Variants in CDH11 observed in about 807,000 individuals in gnomAD.
CDH11 encodes the protein cadherin-11.
A neutral mutation model predicts 67.8 loss-of-function variants in CDH11; 11 were observed. The ratio of observed to expected loss-of-function variants is 0.16; its 90% CI spans 0.10 to 0.27. CDH11 has a LOEUF of 0.27. Ranked by LOEUF, CDH11 falls within the 10% of genes least tolerant of loss-of-function variation. The pLI, the probability that CDH11 is intolerant of heterozygous loss-of-function variation, is 1.00. For missense variants in CDH11, 847 were observed against 1,031.2 expected (o/e 0.82, Z 2.45); for synonymous variants, 419 against 400.0 (o/e 1.05, Z -0.57).
intron 2 of CDH11, among the ~76,000 whole-genome samples, chr16:65,035,088 G>A (rs938343840): frequency 5.9e-5 from 9 of 152,206 alleles, no homozygotes; most frequent in African/African-American, 2.4e-5. Flanking sequence ...GGGCAGTGAC[G>A]TTGCAAGGCT....
chr16:64,966,516 TAGAC>T (rs1355064422), intron 11 of CDH11, among the ~76,000 whole-genome samples: 2 of 151,672 alleles, frequency 1.3e-5, no homozygotes, highest in Non-Finnish European at 2.9e-5. Flanking sequence ...TACCAGTAAA[TAGAC>T]AGAATGGGAA....
At chr16:65,078,483 G>C (rs925048478) in intron 1 of CDH11, among the ~76,000 whole-genome samples, 9 of 152,068 alleles carry the variant, frequency 5.9e-5, no homozygotes, top group Non-Finnish European at 1.2e-4. Flanking sequence ...GCAGTATAGA[G>C]AGCCCCCAAA....
chr16:65,006,596 G>A (rs2073060131), intron 2 of CDH11, among the ~76,000 whole-genome samples: 2 of 152,166 alleles, frequency 1.3e-5, no homozygotes, highest in Admixed American at 6.6e-5. Context: ...ACAGAGTTGG[G>A]AACTGGACAT....
chr16:64,961,191 A>C (rs1247541128), intron 11 of CDH11, among the ~76,000 whole-genome samples: 2 of 152,194 alleles, frequency 1.3e-5, no homozygotes, highest in African/African-American at 4.8e-5. Context: ...CACTGACACT[A>C]ACTAGAGAAG....
chr16:65,118,592 C>T (rs1245333898), intron 1 of CDH11, among the ~76,000 whole-genome samples: 2 of 152,252 alleles, frequency 1.3e-5, no homozygotes, highest in East Asian at 3.9e-4. Flanking sequence ...TTTTATGAAA[C>T]AGCAGCCAAT....
intron 1 of CDH11, chr16:65,118,678 A>T (rs926377142): frequency 2.0e-5 from 3 of 152,162 alleles, no homozygotes; most frequent in Non-Finnish European, 4.4e-5. Context: ...ACAGTGCTCA[A>T]ATTTTCTAGG....
At chr16:65,086,307 T>C (rs982282092) in intron 1 of CDH11, among the ~76,000 whole-genome samples, 1 of 152,222 alleles carries the variant, frequency 6.6e-6, no homozygotes, top group Non-Finnish European at 1.5e-5. Flanking sequence ...TCAAACTTTA[T>C]AGATCATCAG....
In CDH11 at chr16:64,945,718, T is replaced by C. The variant is rs2071184025; in HGVS notation, c.*1885A>G. On this transcript the variant is annotated 3_prime_UTR_variant, in exon 13 of 13. Coordinates refer to ENST00000268603, the MANE Select transcript of CDH11 (RefSeq NM_001797.4). The stretch of plus-strand genomic sequence containing the variant: ...AGTGTTCAGCCCAATTTGATTTCAA[T>C]GCAAAGTAAAATGGAAGTGAGCACT... 9.6e-7 allele frequency: 1 copy of C among 1,042,300 alleles called. No homozygotes were observed. The highest frequency in any genetic ancestry group is 1.2e-6 in the Non-Finnish European group (1 of 864,754). The allele number at this position is 1,042,300 out of a possible 1,614,324, so 64.6% of individuals were successfully genotyped here. A position where few individuals can be genotyped will look rare whatever the true frequency, so the allele number is the denominator to read the frequency against.
intron 6 of CDH11, chr16:64,991,324 G>C (rs926258106): frequency 6.3e-6 from 1 of 157,564 alleles, no homozygotes; most frequent in Non-Finnish European, 1.4e-5. Flanking sequence ...CCAAATTCCA[G>C]ACACATGATA....
intron 6 of CDH11, among the ~76,000 whole-genome samples, chr16:64,989,921 T>C (rs544244801): frequency 6.6e-6 from 1 of 152,352 alleles, no homozygotes; most frequent in Admixed American, 6.5e-5. Context: ...ACTTTGTCTA[T>C]ATTTATCAAT....
chr16:65,105,403 C>T (rs1187235044), intron 1 of CDH11, among the ~76,000 whole-genome samples: 2 of 152,160 alleles, frequency 1.3e-5, no homozygotes, highest in African/African-American at 4.8e-5. Flanking sequence ...ACTGGATAAC[C>T]TCCATCAACA....
At chr16:65,015,015 T>TTTATCA (rs1555519280) in intron 2 of CDH11, among the ~76,000 whole-genome samples, 1 of 135,890 alleles carries the variant, frequency 7.4e-6, no homozygotes, top group Non-Finnish European at 1.6e-5. Flanking sequence ...GCCTGGCTAA[T>TTTATCA]TTATTATTAT....
Position 64,944,542 on chromosome 16 carries a change from T to A in CDH11, c.*3061A>T, listed in dbSNP as rs1050010969. 4.3e-6 allele frequency: 1 copy of A among 232,358 alleles called. No homozygotes were observed. The highest frequency in any genetic ancestry group is 8.5e-6 in the Non-Finnish European group (1 of 117,574). 14.4% of individuals were successfully genotyped at this position (232,358 alleles called of 1,614,324 possible). ...CAGCCCCCATTCACCCCCATTGTCT[T>A]ATAAAGTTTCTCAAAAAGATGTGAA... On this transcript the variant is annotated 3_prime_UTR_variant, in exon 13 of 13. Coordinates refer to ENST00000268603, the MANE Select transcript of CDH11 (RefSeq NM_001797.4).
intron 2 of CDH11, among the ~76,000 whole-genome samples, chr16:65,026,558 T>C (rs1272556142): frequency 6.6e-6 from 1 of 152,198 alleles, no homozygotes; most frequent in African/African-American, 2.4e-5. Flanking sequence ...ATTTCTTCAA[T>C]AGTTAAGTGA....
intron 1 of CDH11, among the ~76,000 whole-genome samples, chr16:65,088,213 G>A (rs1026377955): frequency 9.2e-5 from 14 of 152,104 alleles, no homozygotes; most frequent in Non-Finnish European, 1.9e-4. Flanking sequence ...ACCAGACACC[G>A]AATCAGCTGG....
At position 65,020,538 on chromosome 16, in the gene CDH11, C is replaced by T. The variant is rs957411546; in HGVS notation, c.-172-15497G>A. Among the ~76,000 whole-genome samples, 7 of 152,090 alleles carry T rather than the reference C, an allele frequency of 4.6e-5. No individual in the cohort carries two copies. The East Asian group carries it at 1.4e-3, about 29-fold the overall frequency. ...TAGATATGGGGTTTCACCATGTTGG[C>T]CAGGCTGGTCTTGAACTCCCGACCT... On this transcript the variant is annotated intron_variant, in intron 2 of 12. Coordinates refer to ENST00000268603, the MANE Select transcript of CDH11 (RefSeq NM_001797.4).
At chr16:64,998,207 C>T (rs1003355905) in intron 4 of CDH11, among the ~76,000 whole-genome samples, 2 of 152,212 alleles carry the variant, frequency 1.3e-5, no homozygotes, top group African/African-American at 2.4e-5. Flanking sequence ...CTGTGAAATA[C>T]GGTGAGTTGG....
intron 3 of CDH11, among the ~76,000 whole-genome samples, chr16:64,999,957 C>T (rs766874394): frequency 6.6e-6 from 1 of 152,114 alleles, no homozygotes; most frequent in Non-Finnish European, 1.5e-5. Flanking sequence ...ACCTGCTTTG[C>T]GGTACACAGG....
intron 1 of CDH11, 62 bp from the exon 2 acceptor site, chr16:65,053,990 G>A (rs767607793): frequency 2.2e-6 from 1 of 447,782 alleles, no homozygotes; most frequent in Non-Finnish European, 4.5e-6. Flanking sequence ...AAGTGATACA[G>A]TATTAAACAC....
Sources: allele counts gnomAD v4.1 joint callset (sites outside exome capture counted in the v4.1 genomes callset), GRCh38; gene constraint gnomAD v4.1.1; transcripts MANE v1.5; gene names NCBI Gene and HGNC (gene_info 2026-07-23, HGNC 2026-07-21).